NOTCH2: variants seen among roughly 807,000 people sequenced by gnomAD.
NOTCH2 encodes notch receptor 2, also known as neurogenic locus notch homolog protein 2.
Under a neutral mutation model 235.8 loss-of-function variants are expected in NOTCH2, and 29 were observed. The observed-to-expected ratio is 0.12, with a 90% CI of 0.09 to 0.17. NOTCH2 has a LOEUF of 0.17. Ranked by LOEUF, NOTCH2 falls within the 10% of genes least tolerant of loss-of-function variation. The pLI, the probability that NOTCH2 is intolerant of heterozygous loss-of-function variation, is 1.00. For synonymous variants in NOTCH2, 1,086 were observed against 1,141.5 expected, an observed-to-expected ratio of 0.95 and a Z score of 0.98; for missense variants, 2,285 against 3,150.2, an observed-to-expected ratio of 0.73 and a Z score of 6.57.
intron 20 of NOTCH2, 76 bp from the exon 21 acceptor site, chr1:119,937,542 T>A: frequency 7.2e-7 from 1 of 1,394,010 alleles, no homozygotes; most frequent in Non-Finnish European, 1.0e-6. Context: ...AATGAGCAAG[T>A]AAATCTAAAC....
chr1:119,987,759 G>A (rs1174466223), intron 4 of NOTCH2, among the ~76,000 whole-genome samples: 1 of 152,118 alleles, frequency 6.6e-6, no homozygotes, highest in Non-Finnish European at 1.5e-5. Context: ...ATGTTAAAAG[G>A]TATCTGAAAA....
intron 1 of NOTCH2, among the ~76,000 whole-genome samples, chr1:120,066,592 CA>C (rs1379676077): frequency 7.9e-5 from 12 of 151,618 alleles, no homozygotes; most frequent in Admixed American, 7.2e-4. Context: ...CTGAACCATC[CA>C]AGCATATCCC....
intron 1 of NOTCH2, among the ~76,000 whole-genome samples, chr1:120,045,922 A>T (rs1654769051): frequency 6.6e-6 from 1 of 152,298 alleles, no homozygotes; most frequent in Admixed American, 6.5e-5. Context: ...CACTGGAAGA[A>T]ATTTTAAAAC....
At chr1:119,917,110 A>T (rs1649109474) in intron 33 of NOTCH2, among the ~76,000 whole-genome samples, 1 of 152,192 alleles carries the variant, frequency 6.6e-6, no homozygotes, top group Admixed American at 6.5e-5. Context: ...TAGAAATAAG[A>T]AAGGTAGGAA....
In NOTCH2 at chr1:119,916,348, T is replaced by A. The variant is rs1336183875; in HGVS notation, c.6374A>T (p.Asp2125Val). 1 of 1,614,078 alleles carries A rather than the reference T, an allele frequency of 6.2e-7. No homozygotes were observed. The highest frequency in any genetic ancestry group is 1.3e-5 in the African/African-American group (1 of 74,926). ...CTTCTTCCTCCTACTACCCTTGGCA[T>A]CCTTTGCCTCCTTGGCAAGGTTAGG... is the stretch of plus-strand genomic sequence containing the variant. ...SLPNLAKEAKDAKGSRRKKSL... is the reference protein window; with the variant it reads ...SLPNLAKEAKVAKGSRRKKSL... Residue 2125 changes from aspartate (D) to valine (V), a missense_variant, in exon 34 of 34, where the codon GAT becomes GTT. By Grantham distance (152) the Asp-to-Val change is radical (BLOSUM62 -3). Coordinates refer to ENST00000256646, the MANE Select transcript of NOTCH2 (RefSeq NM_024408.4).
intron 3 of NOTCH2, among the ~76,000 whole-genome samples, chr1:120,001,783 C>T (rs1401939950): frequency 2.0e-5 from 3 of 152,150 alleles, no homozygotes; most frequent in Non-Finnish European, 4.4e-5. Context: ...CATGGTATTC[C>T]ACACAGCATT....
At chr1:119,965,329 C>T in intron 10 of NOTCH2, 124 bp downstream of exon 10, 1 of 841,956 alleles carries the variant, frequency 1.2e-6, no homozygotes, top group East Asian at 2.4e-5. Flanking sequence ...ACAGCTCTTC[C>T]TAAACACAGA....
chr1:119,970,988 C>T (rs1314294917), intron 5 of NOTCH2, among the ~76,000 whole-genome samples: 2 of 152,218 alleles, frequency 1.3e-5, no homozygotes, highest in Non-Finnish European at 2.9e-5. Context: ...AATGCCAAGG[C>T]TATCTCTAGA....
chr1:120,033,778 AAG>A (rs1483023137), intron 1 of NOTCH2, among the ~76,000 whole-genome samples: 1 of 151,272 alleles, frequency 6.6e-6, no homozygotes, highest in African/African-American at 2.5e-5. Context: ...CAAAATTGCT[AAG>A]AGAGTAAATT....
At position 119,986,133 on chromosome 1, in the gene NOTCH2, G is replaced by A. The variant is rs587739587; in HGVS notation, c.874+827C>T. Among the ~76,000 whole-genome samples the A allele has an allele frequency of 2.0e-5, 3 of 152,282 alleles. No individual in the cohort carries two copies. The South Asian group carries it at 6.2e-4, about 32-fold the overall frequency. Reference sequence around the variant, plus strand: ...TTCAACATTAAGATTCTTTGTAGGAGATAGCCCACTACTGGTACTGTAATT... The same window carrying A: ...TTCAACATTAAGATTCTTTGTAGGAAATAGCCCACTACTGGTACTGTAATT... On this transcript the variant is annotated intron_variant, in intron 5 of 33. Transcript: ENST00000256646.
At chr1:119,947,330 C>G (rs1650295190) in intron 17 of NOTCH2, among the ~76,000 whole-genome samples, 1 of 152,064 alleles carries the variant, frequency 6.6e-6, no homozygotes, top group Admixed American at 6.6e-5. Context: ...AGAAGACAAC[C>G]TAATTATTTC....
chr1:119,974,976 G>A (rs1232689076), intron 5 of NOTCH2, among the ~76,000 whole-genome samples: 1 of 152,174 alleles, frequency 6.6e-6, no homozygotes, highest in Non-Finnish European at 1.5e-5. Flanking sequence ...ACCTTGGACA[G>A]CATCTAATCT....
At chr1:120,006,850 A>C (rs1483507360) in intron 2 of NOTCH2, among the ~76,000 whole-genome samples, 1 of 152,200 alleles carries the variant, frequency 6.6e-6, no homozygotes, top group African/African-American at 2.4e-5. Context: ...TGTCTTTGAC[A>C]GTCATATCCA....
intron 1 of NOTCH2, among the ~76,000 whole-genome samples, chr1:120,063,578 A>G (rs1655395250): frequency 6.6e-6 from 1 of 152,234 alleles, no homozygotes; most frequent in African/African-American, 2.4e-5. Context: ...CTTATACCAT[A>G]GCAGCTTTCT....
chr1:120,058,365 C>G lies in NOTCH2; in HGVS notation c.73+10969G>C, dbSNP rs587648927. 4.5e-3 allele frequency among the ~76,000 whole-genome samples: 670 copies of G among 149,422 alleles called. 9 individuals carry two copies. Among genetic ancestry groups the G allele is most frequent in the Non-Finnish European group, 7.4e-3 (498 of 67,346 alleles). On this transcript the variant is annotated intron_variant, in intron 1 of 33. Transcript: ENST00000256646. ...CTAAAACTACAAAAAATTAGCCAGGCGTTGTGGTGCATGCCTGTAATTCCA... is the reference window on the plus strand; with the variant it reads ...CTAAAACTACAAAAAATTAGCCAGGGGTTGTGGTGCATGCCTGTAATTCCA...
At chr1:119,929,613 G>T (rs940292833) in intron 22 of NOTCH2, among the ~76,000 whole-genome samples, 1 of 152,320 alleles carries the variant, frequency 6.6e-6, no homozygotes, top group South Asian at 2.1e-4. Flanking sequence ...TTATGCAACC[G>T]CATAATGACA....
intron 32 of NOTCH2, 132 bp downstream of exon 32, chr1:119,918,274 T>G (rs1649157084): frequency 9.8e-7 from 1 of 1,025,292 alleles, no homozygotes; most frequent in Admixed American, 1.8e-5. Context: ...AATAAATGCA[T>G]GAATGAAAGA....
In NOTCH2 at chr1:119,938,086, C is replaced by T. The variant is rs2453058; in HGVS notation, c.3184-76G>A. 0.12 allele frequency: 180,400 copies of T among 1,515,098 alleles called. 13,340 individuals are homozygous for T. Among genetic ancestry groups the T allele is most frequent in the African/African-American group, 0.33 (23,813 of 72,538 alleles). The allele number at this position is 1,515,098 out of a possible 1,614,324, so 93.9% of individuals were successfully genotyped here. A position where few individuals can be genotyped will look rare whatever the true frequency, so the allele number is the denominator to read the frequency against. On this transcript the variant is annotated intron_variant, in intron 19 of 33. Transcript: ENST00000256646. ...GAAGAAAAGAAGTTATATTGTGTTA[C>T]AAGAAATCAAAGAAAAGCAAACTGA...
chr1:120,065,381 A>G (rs1226291170), intron 1 of NOTCH2, among the ~76,000 whole-genome samples: 1 of 152,196 alleles, frequency 6.6e-6, no homozygotes, highest in Non-Finnish European at 1.5e-5. Context: ...ATTAGAATAA[A>G]CACATAAATG....
Sources: gnomAD v4.1 joint callset for allele counts (sites outside exome capture counted in the v4.1 genomes callset) on GRCh38, gnomAD v4.1.1 for gene constraint, MANE v1.5 for transcripts, NCBI Gene and HGNC (gene_info 2026-07-23, HGNC 2026-07-21) for gene names.